Variants in ZNF318 observed in about 807,000 individuals in gnomAD.
The protein encoded by ZNF318 is endocrine regulator.
Under a neutral mutation model 124.2 loss-of-function variants are expected in ZNF318, and 51 were observed. The observed-to-expected ratio is 0.41, with a 90% CI of 0.33 to 0.52. ZNF318 has a LOEUF of 0.52. Ranked by LOEUF, ZNF318 falls within the 20% of genes least tolerant of loss-of-function variation. The probability of loss-of-function intolerance (pLI) is 0.23; values close to 1 mark genes in which losing one functional copy is unlikely to be tolerated. For missense variants in ZNF318, 2,815 were observed against 2,811.2 expected, an observed-to-expected ratio of 1.00 and a Z score of -0.03; for synonymous variants, 1,090 against 1,040.7, an observed-to-expected ratio of 1.05 and a Z score of -0.91.
At chr6:43,345,221 AGGT>A (rs1779423352) in intron 6 of ZNF318, among the ~76,000 whole-genome samples, 1 of 141,608 alleles carries the variant, frequency 7.1e-6, no homozygotes, top group African/African-American at 2.6e-5. Flanking sequence ...CACTCAACTT[AGGT>A]GACAGAGTGA....
At position 43,337,114 on chromosome 6, in the gene ZNF318, T is replaced by TAA. The variant is rs747034987; in HGVS notation, c.*43_*44insTT. ...TTGGATCATCTGGGCATCTGATTTC[T>TAA]AGAAGCCAATGATTCACTCACAAGT... On this transcript the variant is annotated 3_prime_UTR_variant, in exon 10 of 10. Coordinates refer to ENST00000361428, the MANE Select transcript of ZNF318 (RefSeq NM_014345.3). The TAA allele has an allele frequency of 2.0e-6, 3 of 1,494,496 alleles. No homozygotes were observed. The highest frequency in any genetic ancestry group is 2.7e-6 in the Non-Finnish European group (3 of 1,118,740). The allele number at this position is 1,494,496 out of a possible 1,614,324, so 92.6% of individuals were successfully genotyped here. A position where few individuals can be genotyped will look rare whatever the true frequency, so the allele number is the denominator to read the frequency against.
chr6:43,346,808 T>C (rs1266270417), intron 6 of ZNF318, among the ~76,000 whole-genome samples: 1 of 152,044 alleles, frequency 6.6e-6, no homozygotes, highest in African/African-American at 2.4e-5. Flanking sequence ...ATCCGGAAAA[T>C]TGCATTTTGA....
rs551321198 is a variant in ZNF318, at chr6:43,363,917, G to A, written c.548+1375C>T. On this transcript the variant is annotated intron_variant, in intron 2 of 9. Transcript: ENST00000361428. ...CTCTCCATTCTCCCTGTGCACAGAG[G>A]CTACTGGGGGAACAAGATCCACAAG... The A allele has an allele frequency of 6.8e-5, 46 of 676,118 alleles. 1 individual carries two copies. In the South Asian group the frequency reaches 7.0e-4, roughly 10 times the overall value. The allele number at this position is 676,118 out of a possible 1,614,324, so 41.9% of individuals were successfully genotyped here. A position where few individuals can be genotyped will look rare whatever the true frequency, so the allele number is the denominator to read the frequency against.
chr6:43,338,908 G>A lies in ZNF318; in HGVS notation c.5090C>T (p.Ala1697Val). The change falls in exon 10 of 10, where the codon GCC (alanine) becomes GTC (valine). Residue 1697 changes from alanine (A) to valine (V), a missense_variant. By Grantham distance (64) the Ala-to-Val change is moderately conservative. Transcript: ENST00000361428. ...ETITPKTDTL[A>V]IWTSSSFQSD... is the part of the protein sequence containing the mutation. Reference sequence around the variant, plus strand: ...CTGGAAGGAACTAGAGGTCCATATGGCCAAAGTGTCTGTCTTTGGGGTAAT... The same window carrying A: ...CTGGAAGGAACTAGAGGTCCATATGACCAAAGTGTCTGTCTTTGGGGTAAT... 2 of 1,614,042 alleles carry A rather than the reference G, an allele frequency of 1.2e-6. No individual in the cohort carries two copies. The highest frequency in any genetic ancestry group is 1.7e-6 in the Non-Finnish European group (2 of 1,180,020).
At chr6:43,363,979 G>A (rs1344444406) in intron 2 of ZNF318, 8 of 689,940 alleles carry the variant, frequency 1.2e-5, no homozygotes, top group East Asian at 2.7e-5. Context: ...AGGCTACTGC[G>A]GCTCTGTGCT....
chr6:43,352,642 G>T (rs941751289), intron 4 of ZNF318, among the ~76,000 whole-genome samples, 166 bp from the exon 5 acceptor site: 1 of 152,198 alleles, frequency 6.6e-6, no homozygotes, highest in Non-Finnish European at 1.5e-5. Flanking sequence ...CTAAGTTCCA[G>T]AATAGAACTG....
chr6:43,358,323 C>G (rs1779638623), intron 2 of ZNF318, among the ~76,000 whole-genome samples: 1 of 152,008 alleles, frequency 6.6e-6, no homozygotes, highest in Non-Finnish European at 1.5e-5. Flanking sequence ...TCTCGGCTCA[C>G]TGCAAGCTCC....
Position 43,340,415 on chromosome 6 carries a change from G to A in ZNF318, c.3583C>T (p.Arg1195Ter), listed in dbSNP as rs761278975. The A allele has an allele frequency of 1.9e-6, 3 of 1,613,690 alleles. No individual in the cohort carries two copies. Among genetic ancestry groups the A allele is most frequent in the Non-Finnish European group, 2.5e-6 (3 of 1,179,966 alleles). ...TTGCGCTTTAGCTCACTCTGCCGTC[G>A]CCGTTCTGTCTCTAGGACCACAGCC... The part of the protein sequence containing the change: ...GLAVVLETER[R>*]RQSELKRKLS... The change falls in exon 10 of 10, where the codon CGA (arginine) becomes TGA (stop). Residue 1195 changes from arginine to a stop codon, truncating the protein, a stop_gained. Coordinates refer to ENST00000361428, the MANE Select transcript of ZNF318 (RefSeq NM_014345.3). LOFTEE classifies it high-confidence loss of function.
intron 3 of ZNF318, 102 bp downstream of exon 3, chr6:43,357,024 T>C (rs1779616841): frequency 8.0e-6 from 11 of 1,366,622 alleles, no homozygotes; most frequent in Non-Finnish European, 1.1e-5. Flanking sequence ...GTCCAGCACA[T>C]ATTACAAAGA....
chr6:43,369,275 A>G lies in ZNF318; in HGVS notation c.91T>C (p.Ser31Pro). Reference sequence around the variant, plus strand: ...CTGCGGCGAGCCGGGCCTGAGGAGGAGCCAGAGCTGCGGCCGCTGCGCGGG... The same window carrying G: ...CTGCGGCGAGCCGGGCCTGAGGAGGGGCCAGAGCTGCGGCCGCTGCGCGGG... ...GGPRSGRSSG[S>P]SSGPARRSSP... is the part of the protein sequence containing the mutation. Residue 31 changes from serine to proline, a missense_variant, in exon 1 of 10, where the codon TCC becomes CCC. Ser to Pro is a moderately conservative substitution (Grantham distance 74, BLOSUM62 -1). Coordinates refer to ENST00000361428, the MANE Select transcript of ZNF318 (RefSeq NM_014345.3). 3.8e-6 allele frequency: 5 copies of G among 1,324,426 alleles called. No individual in the cohort carries two copies. The highest frequency in any genetic ancestry group is 4.8e-6 in the Non-Finnish European group (5 of 1,033,114). 82.0% of individuals were successfully genotyped at this position (1,324,426 alleles called of 1,614,324 possible).
intron 6 of ZNF318, among the ~76,000 whole-genome samples, chr6:43,344,338 C>T (rs556683309): frequency 1.3e-5 from 2 of 152,290 alleles, no homozygotes; most frequent in South Asian, 4.1e-4. Flanking sequence ...CAGCAATTCA[C>T]TCCTTGACAT....
intron 6 of ZNF318, among the ~76,000 whole-genome samples, chr6:43,346,258 G>A (rs948083543): frequency 1.1e-4 from 16 of 148,684 alleles, no homozygotes; most frequent in African/African-American, 3.7e-4. Context: ...TTGGGAGGCC[G>A]GATCACGAGG....
rs1779582119 is a variant in ZNF318, at chr6:43,354,889, T to C, written c.2445A>G (p.Val815=). The C allele has an allele frequency of 2.5e-6, 4 of 1,613,630 alleles. No individual in the cohort carries two copies. Among genetic ancestry groups the C allele is most frequent in the Non-Finnish European group, 3.4e-6 (4 of 1,179,692 alleles). ...TTGGCATTATCCTGTGTGGTTCAGGTACAGGGTGGTTTGACGGTTGAGAGG... is the reference window on the plus strand; with the variant it reads ...TTGGCATTATCCTGTGTGGTTCAGGCACAGGGTGGTTTGACGGTTGAGAGG... ...YPTSQPSNHP[V]PEPHRIMPIT... is the part of the protein sequence containing the mutation. Residue 815 remains valine (V), a synonymous_variant, in exon 4 of 10, where the codon GTA becomes GTG. Coordinates refer to ENST00000361428, the MANE Select transcript of ZNF318 (RefSeq NM_014345.3).
At chr6:43,348,733 C>A in intron 5 of ZNF318, 108 bp from the exon 6 acceptor site, 1 of 1,328,706 alleles carries the variant, frequency 7.5e-7, no homozygotes, top group Non-Finnish European at 1.0e-6. Context: ...AGTCTTTGCC[C>A]ACAAACGTTT....
intron 4 of ZNF318, 150 bp downstream of exon 4, chr6:43,354,514 A>C: frequency 1.4e-6 from 1 of 691,710 alleles, no homozygotes; most frequent in Non-Finnish European, 2.4e-6. Flanking sequence ...AAACAGAGGA[A>C]CAATATACAC....
chr6:43,368,586 G>A, intron 1 of ZNF318: 1 of 853,990 alleles, frequency 1.2e-6, no homozygotes, highest in Non-Finnish European at 1.4e-6. Context: ...GATCCAGGAA[G>A]GCAGCTCAGG....
chr6:43,336,417 GA>G lies in ZNF318; in HGVS notation c.*740del, dbSNP rs1304241054. On this transcript the variant is annotated 3_prime_UTR_variant, in exon 10 of 10. Transcript: ENST00000361428. ...CAAAAGCATATCTGCTCCTGGCAAT[GA>G]ACCATGAATAAGCCTTACCGATTTG... The G allele has an allele frequency of 6.6e-6, 1 of 152,300 alleles. No homozygotes were observed. Among genetic ancestry groups the G allele is most frequent in the Non-Finnish European group, 1.5e-5 (1 of 68,050 alleles). The allele number at this position is 152,300 out of a possible 1,614,324, so 9.4% of individuals were successfully genotyped here. A position where few individuals can be genotyped will look rare whatever the true frequency, so the allele number is the denominator to read the frequency against.
At chr6:43,352,261 ACG>A in intron 5 of ZNF318, 114 bp downstream of exon 5, 1 of 757,356 alleles carries the variant, frequency 1.3e-6, no homozygotes, top group Non-Finnish European at 2.2e-6. Context: ...AAGTTTAATT[ACG>A]TCAAAAAAAA....
chr6:43,358,414 A>ATTTTTTTTTTTTTTTTTTTTTT, intron 2 of ZNF318, among the ~76,000 whole-genome samples: 1 of 124,782 alleles, frequency 8.0e-6, no homozygotes, highest in Non-Finnish European at 1.6e-5. Context: ...CACCCGGCTA[A>ATTTTTTTTTTTTTTTTTTTTTT]TTTTTTTTTT....
Sources: gnomAD v4.1 joint callset for allele counts (sites outside exome capture counted in the v4.1 genomes callset) on GRCh38, gnomAD v4.1.1 for gene constraint, MANE v1.5 for transcripts, NCBI Gene and HGNC (gene_info 2026-07-23, HGNC 2026-07-21) for gene names.